Variants in ASTN2 observed in about 807,000 individuals in gnomAD.
The protein encoded by ASTN2 is astrotactin-2.
Under a neutral mutation model 139.8 loss-of-function variants are expected in ASTN2, and 54 were observed. The ratio of observed to expected loss-of-function variants is 0.39; its 90% CI spans 0.31 to 0.48. The LOEUF (loss-of-function observed/expected upper bound fraction) is 0.48. Among genes scored for constraint, ASTN2 ranks in the 20% least tolerant of loss-of-function variants. ASTN2 has a pLI of 0.95. For missense variants in ASTN2, 1,565 were observed against 1,725.1 expected (o/e 0.91, Z 1.64); for synonymous variants, 756 against 719.5 (o/e 1.05, Z -0.81).
intron 16 of ASTN2, among the ~76,000 whole-genome samples, chr9:116,702,045 C>T (rs962515917): frequency 6.6e-6 from 1 of 152,066 alleles, no homozygotes; most frequent in Admixed American, 6.6e-5. Context: ...ACCTTACCTC[C>T]TGTGCTACCA....
intron 10 of ASTN2, among the ~76,000 whole-genome samples, chr9:116,874,133 ACCCTGGGTGTATCTGACTTCGGACT>A (rs1222316315): frequency 1.3e-5 from 2 of 152,090 alleles, no homozygotes; most frequent in East Asian, 3.9e-4. Flanking sequence ...GCTGGGTTCC[ACCCTGGGTGTATCTGACTTCGGACT>A]CTTTAGTGTC....
At chr9:116,575,564 T>A (rs1294738670) in intron 19 of ASTN2, among the ~76,000 whole-genome samples, 2 of 152,154 alleles carry the variant, frequency 1.3e-5, no homozygotes, top group Non-Finnish European at 2.9e-5. Context: ...CAGCAATCAA[T>A]GTATCTTTGT....
At chr9:116,825,379 G>T (rs1308871196) in intron 11 of ASTN2, among the ~76,000 whole-genome samples, 2 of 152,076 alleles carry the variant, frequency 1.3e-5, no homozygotes, top group Admixed American at 6.5e-5. Context: ...AATAAATGAA[G>T]AATAATTGAA....
Position 116,698,936 on chromosome 9 carries a change from T to C in ASTN2, c.2806+26835A>G, listed in dbSNP as rs980926202. The C allele has an allele frequency of 4.3e-6, 7 of 1,614,196 alleles. No individual in the cohort carries two copies. The African/African-American group carries it at 5.3e-5, about 12-fold the overall frequency. ...GTGGTAACTATCGTATACAAGTCTT[T>C]ACCCGCAAAGGCTTTTTGAAGGAAA... On this transcript the variant is annotated intron_variant, in intron 16 of 22. Transcript: ENST00000313400. The surrounding 1 kb of genome is among the most constrained non-coding windows in gnomAD (Gnocchi z 4.4).
At chr9:116,807,106 G>A (rs1324781575) in intron 12 of ASTN2, among the ~76,000 whole-genome samples, 1 of 152,140 alleles carries the variant, frequency 6.6e-6, no homozygotes, top group African/African-American at 2.4e-5. Context: ...AAATGACCCT[G>A]GTTGGTATGT....
intron 17 of ASTN2, among the ~76,000 whole-genome samples, chr9:116,650,285 T>G (rs1857835581): frequency 6.6e-6 from 1 of 152,156 alleles, no homozygotes; most frequent in African/African-American, 2.4e-5. Flanking sequence ...AAAGATTGCA[T>G]TTGGAAAAAG....
rs569555650 is a variant in ASTN2, at chr9:117,214,771, G to A, written c.631-29C>T. ...GAGCAGGAAGGAAGGACACACAAATGGGCCACTGTTCTTTGGAATCGAGGG... is the reference window on the plus strand; with the variant it reads ...GAGCAGGAAGGAAGGACACACAAATAGGCCACTGTTCTTTGGAATCGAGGG... On this transcript the variant is annotated intron_variant, in intron 2 of 22. Coordinates refer to ENST00000313400, the MANE Select transcript of ASTN2 (RefSeq NM_001365068.1). The A allele has an allele frequency of 4.0e-5, 59 of 1,461,772 alleles. No individual in the cohort carries two copies. In the South Asian group the frequency reaches 7.6e-4, roughly 19 times the overall value. The allele number at this position is 1,461,772 out of a possible 1,614,324, so 90.6% of individuals were successfully genotyped here. A position where few individuals can be genotyped will look rare whatever the true frequency, so the allele number is the denominator to read the frequency against.
chr9:116,790,985 AAGAAAG>A (rs1313131127), intron 13 of ASTN2, among the ~76,000 whole-genome samples: 1 of 107,772 alleles, frequency 9.3e-6, no homozygotes, highest in Non-Finnish European at 1.9e-5. Flanking sequence ...GAAAGAAAGA[AAGAAAG>A]AAAGAAAGAA....
In ASTN2 at chr9:116,775,737, A is replaced by AAGGGAGGAAGGAAGGAGGG. The variant is rs1416542248; in HGVS notation, c.2396+29876_2396+29894dup. On this transcript the variant is annotated intron_variant, in intron 13 of 22. Coordinates refer to ENST00000313400, the MANE Select transcript of ASTN2 (RefSeq NM_001365068.1). ...AAGAAGGAAGGAAGGAAGGAAGGGG[A>AAGGGAGGAAGGAAGGAGGG]AGGGAGGAAGGAAGGAGGGAGGGAG... is the stretch of plus-strand genomic sequence containing the variant. 5.8e-5 allele frequency among the ~76,000 whole-genome samples: 7 copies of AAGGGAGGAAGGAAGGAGGG among 120,872 alleles called. 1 individual carries two copies. Among genetic ancestry groups the AAGGGAGGAAGGAAGGAGGG allele is most frequent in the African/African-American group, 2.2e-4 (7 of 32,074 alleles). The allele number at this position is 120,872 out of a possible 152,430, so 79.3% of individuals were successfully genotyped here.
chr9:116,854,874 G>A (rs188523705), intron 11 of ASTN2, among the ~76,000 whole-genome samples: 241 of 151,876 alleles, frequency 1.6e-3, no homozygotes, highest in South Asian at 4.2e-3. Context: ...GGATGGTCTC[G>A]AACTCCTGAC....
chr9:117,335,855 G>A (rs1036687778), intron 1 of ASTN2, among the ~76,000 whole-genome samples: 2 of 152,090 alleles, frequency 1.3e-5, no homozygotes, highest in Admixed American at 6.6e-5. Context: ...ATATCTATGT[G>A]TACCCAGAGT....
chr9:117,090,812 C>A (rs1828687854), intron 5 of ASTN2, among the ~76,000 whole-genome samples: 1 of 152,192 alleles, frequency 6.6e-6, no homozygotes, highest in Admixed American at 6.5e-5. Context: ...AATGCCAGTC[C>A]TATTTCTCTC....
chr9:116,940,580 A>T (rs1835197233), intron 10 of ASTN2, among the ~76,000 whole-genome samples: 1 of 152,242 alleles, frequency 6.6e-6, no homozygotes, highest in African/African-American at 2.4e-5. Context: ...TAGAATGAAG[A>T]TGTAAACCCT....
chr9:116,699,748 C>G lies in ASTN2; in HGVS notation c.2806+26023G>C, dbSNP rs748896830. ...TTTCTTCTGCTCCCAAGCCAACTTC[C>G]CTTCCCTTAGTTCTTGGTTGTTAGT... On this transcript the variant is annotated intron_variant, in intron 16 of 22. Transcript: ENST00000313400. The surrounding 1 kb of genome is among the most constrained non-coding windows in gnomAD (Gnocchi z 4.2). 25 of 1,613,796 alleles carry G rather than the reference C, an allele frequency of 1.5e-5. No individual in the cohort carries two copies. The highest frequency in any genetic ancestry group is 2.1e-5 in the Non-Finnish European group (25 of 1,179,862).
intron 3 of ASTN2, among the ~76,000 whole-genome samples, chr9:117,146,184 T>A (rs980712740): frequency 6.6e-6 from 1 of 151,982 alleles, no homozygotes; most frequent in Non-Finnish European, 1.5e-5. Flanking sequence ...TATCAAGTTG[T>A]CCAAACAAGC....
intron 16 of ASTN2, among the ~76,000 whole-genome samples, chr9:116,680,561 G>C (rs904257060): frequency 5.3e-5 from 8 of 152,116 alleles, no homozygotes; most frequent in African/African-American, 1.9e-4. Context: ...GCCGGGCAGA[G>C]ACACAACCAA....
At chr9:116,916,563 T>G (rs148580988) in intron 10 of ASTN2, among the ~76,000 whole-genome samples, 2 of 152,164 alleles carry the variant, frequency 1.3e-5, no homozygotes, top group African/African-American at 4.8e-5. Context: ...TAGAAAGATG[T>G]GGGCCAGGTG....
At chr9:116,812,083 G>T (rs561523815) in intron 12 of ASTN2, among the ~76,000 whole-genome samples, 1 of 152,278 alleles carries the variant, frequency 6.6e-6, no homozygotes, top group South Asian at 2.1e-4. Context: ...CTGAGTGTGT[G>T]TGTGTACATA....
At chr9:117,153,926 T>C (rs983651519) in intron 3 of ASTN2, among the ~76,000 whole-genome samples, 2 of 152,048 alleles carry the variant, frequency 1.3e-5, no homozygotes, top group Non-Finnish European at 2.9e-5. Context: ...AAATATGCAT[T>C]GTGACAAGAG....
Sources: gnomAD v4.1 joint callset for allele counts (sites outside exome capture counted in the v4.1 genomes callset) on GRCh38, gnomAD v4.1.1 for gene constraint, Gnocchi (gnomAD v3.1) non-coding constraint, MANE v1.5 for transcripts, NCBI Gene and HGNC (gene_info 2026-07-23, HGNC 2026-07-21) for gene names.